The following TSC22D1 variants were observed in gnomAD, a reference collection of about 807,000 sequenced individuals.
TSC22D1 encodes TSC22 domain family member 1, also known as TSC22 domain family protein 1.
A neutral mutation model predicts 74.2 loss-of-function variants in TSC22D1; 9 were observed. The ratio of observed to expected loss-of-function variants is 0.12; its 90% CI spans 0.07 to 0.21. The LOEUF (loss-of-function observed/expected upper bound fraction) is 0.21, where lower values mean the gene tolerates loss of function less well. Among genes scored for constraint, TSC22D1 ranks in the 10% least tolerant of loss-of-function variants. TSC22D1 has a pLI of 1.00. For synonymous variants in TSC22D1, 586 were observed against 492.5 expected, an observed-to-expected ratio of 1.19 and a Z score of -2.51; for missense variants, 1,427 against 1,304.7, an observed-to-expected ratio of 1.09 and a Z score of -1.44.
intron 1 of TSC22D1, among the ~76,000 whole-genome samples, chr13:44,504,006 G>A (rs745987918): frequency 2.0e-5 from 3 of 151,774 alleles, no homozygotes; most frequent in Non-Finnish European, 4.4e-5. Flanking sequence ...AGACTATATA[G>A]CTGGACTCTA....
intron 1 of TSC22D1, among the ~76,000 whole-genome samples, chr13:44,551,389 G>GGTGTGTGTGTGTGTGTGT (rs376368576): frequency 8.0e-6 from 1 of 125,252 alleles, no homozygotes; most frequent in African/African-American, 3.1e-5. Flanking sequence ...CAATCAGATG[G>GGTGTGTGTGTGTGTGTGT]GTGTGTGTGT....
chr13:44,492,309 T>G (rs1014606130), intron 1 of TSC22D1, among the ~76,000 whole-genome samples: 1 of 152,196 alleles, frequency 6.6e-6, no homozygotes, highest in African/African-American at 2.4e-5. Context: ...TTTATAACAG[T>G]GTTGAATATC....
intron 1 of TSC22D1, among the ~76,000 whole-genome samples, chr13:44,566,557 CTT>C (rs1367207246): frequency 6.6e-6 from 1 of 152,092 alleles, no homozygotes; most frequent in Non-Finnish European, 1.5e-5. Context: ...GGAGCTATGA[CTT>C]AATTAAAATT....
At chr13:44,527,933 G>A (rs909432208) in intron 1 of TSC22D1, among the ~76,000 whole-genome samples, 1 of 151,982 alleles carries the variant, frequency 6.6e-6, no homozygotes, top group African/African-American at 2.4e-5. Context: ...CTCAGAACAG[G>A]GAAAGTTATC....
At chr13:44,576,566 GGCC>G (rs530710121), upstream of TSC22D1, 6 of 153,880 alleles carry the variant, frequency 3.9e-5, no homozygotes, top group Admixed American at 6.5e-5. Context: ...CCACCCCCGG[GGCC>G]GCCGCCGCCG....
chr13:44,525,444 C>T (rs1216316965), intron 1 of TSC22D1, among the ~76,000 whole-genome samples: 16 of 152,220 alleles, frequency 1.1e-4, no homozygotes, highest in Admixed American at 9.8e-4. Context: ...GATAAATTAG[C>T]CAAGCATGGA....
chr13:44,442,915 AAAAAAAAAAAAAAAAAG>A (rs1248322597), intron 1 of TSC22D1, among the ~76,000 whole-genome samples: 4 of 3,030 alleles, frequency 1.3e-3, no homozygotes, highest in Non-Finnish European at 3.4e-3. Flanking sequence ...AGACTCTGTC[AAAAAAAAAAAAAAAAAG>A]AATGAAAAAG....
intron 1 of TSC22D1, among the ~76,000 whole-genome samples, chr13:44,532,257 A>G (rs554486391): frequency 3.4e-4 from 52 of 152,334 alleles, no homozygotes; most frequent in African/African-American, 1.2e-3. Context: ...GAAACAAAAT[A>G]CTTTTTCATA....
intron 1 of TSC22D1, among the ~76,000 whole-genome samples, chr13:44,571,739 C>T (rs935458101): frequency 6.6e-6 from 1 of 151,986 alleles, no homozygotes; most frequent in Non-Finnish European, 1.5e-5. Context: ...AAACTACCTC[C>T]TAAAAGTTTA....
chr13:44,441,172 G>A (rs923988061), intron 1 of TSC22D1, among the ~76,000 whole-genome samples: 2 of 152,208 alleles, frequency 1.3e-5, no homozygotes, highest in Non-Finnish European at 2.9e-5. Flanking sequence ...CAGGGGGACT[G>A]CTGCTGGACA....
intron 1 of TSC22D1, among the ~76,000 whole-genome samples, chr13:44,519,366 A>G (rs1213869426): frequency 6.6e-6 from 1 of 152,224 alleles, no homozygotes; most frequent in Non-Finnish European, 1.5e-5. Flanking sequence ...GGTAAGCAAA[A>G]GTAAACAAGA....
At chr13:44,437,424 A>T (rs531207312) in intron 1 of TSC22D1, 1 of 225,604 alleles carries the variant, frequency 4.4e-6, no homozygotes, top group African/African-American at 2.4e-5. Flanking sequence ...ATTTTAGAGG[A>T]AAAAAAATCA....
chr13:44,574,338 T>A lies in TSC22D1; in HGVS notation c.1737A>T (p.Pro579=). The part of the protein sequence containing the change: ...ATMSAATGIQ[P]SPVNVVGVTS... ...TTACACCAACCACATTTACAGGCGA[T>A]GGCTGGATACCAGTTGCAGCACTCA... Residue 579 remains proline, a synonymous_variant, in exon 1 of 3, where the codon CCA becomes CCT. Transcript: ENST00000458659. 2 of 1,614,248 alleles carry A rather than the reference T, an allele frequency of 1.2e-6. No individual in the cohort carries two copies. The highest frequency in any genetic ancestry group is 1.7e-6 in the Non-Finnish European group (2 of 1,180,036).
chr13:44,575,705 T>C lies in TSC22D1; in HGVS notation c.370A>G (p.Ser124Gly). The C allele has an allele frequency of 1.2e-6, 2 of 1,614,224 alleles. No individual in the cohort carries two copies. The highest frequency in any genetic ancestry group is 1.1e-5 in the South Asian group (1 of 91,084). The change falls in exon 1 of 3, where the codon AGT (serine) becomes GGT (glycine). Residue 124 changes from serine (S) to glycine (G), a missense_variant. Ser to Gly is a moderately conservative substitution (Grantham distance 56). Around this residue, in one of 3 missense-constraint regions of TSC22D1, gnomAD observed 1,343 missense variants for 1,191.5 expected, o/e 1.13. Coordinates refer to ENST00000458659, the MANE Select transcript of TSC22D1 (RefSeq NM_183422.4). ...GCTATACTGTTGTTAGAGCTGATAC[T>C]AGCGGAGATCTGAGCAGGAGTAACG... is the stretch of plus-strand genomic sequence containing the variant. ...TSVTPAQISA[S>G]ISSNNSIAED... is the part of the protein sequence containing the mutation.
intron 1 of TSC22D1, among the ~76,000 whole-genome samples, chr13:44,517,860 T>TA (rs1566150000): frequency 1.2e-5 from 1 of 80,634 alleles, no homozygotes; most frequent in Non-Finnish European, 2.5e-5. Flanking sequence ...TATATATATT[T>TA]TTTTTTTTTT....
intron 1 of TSC22D1, among the ~76,000 whole-genome samples, chr13:44,503,657 T>C (rs1359689870): frequency 6.6e-6 from 1 of 151,940 alleles, no homozygotes; most frequent in Non-Finnish European, 1.5e-5. Context: ...AAAAAAGAAG[T>C]TTACAAAATA....
At chr13:44,576,398 G>A (rs939086663), upstream of TSC22D1, 81 of 273,216 alleles carry the variant, frequency 3.0e-4, 1 homozygote, top group Admixed American at 4.0e-3. Context: ...GGGAGGGGGA[G>A]AGCGCAGGAA....
chr13:44,443,760 A>T (rs779939044), intron 1 of TSC22D1, among the ~76,000 whole-genome samples: 4 of 152,258 alleles, frequency 2.6e-5, no homozygotes, highest in Non-Finnish European at 5.9e-5. Flanking sequence ...TGTAAAATGT[A>T]TGACAAAGAT....
intron 1 of TSC22D1, among the ~76,000 whole-genome samples, chr13:44,555,396 C>A (rs1486691201): frequency 6.6e-6 from 1 of 151,818 alleles, no homozygotes; most frequent in Non-Finnish European, 1.5e-5. Flanking sequence ...ATCACCTGAC[C>A]TCAGGAATTT....
Sources: allele counts gnomAD v4.1 joint callset (sites outside exome capture counted in the v4.1 genomes callset), GRCh38; gene constraint gnomAD v4.1.1; regional missense constraint gnomAD v4.1.1; transcripts MANE v1.5; gene names NCBI Gene and HGNC (gene_info 2026-07-23, HGNC 2026-07-21).